The following PIK3C3 variants were observed in gnomAD, a reference collection of about 807,000 sequenced individuals.
PIK3C3 encodes PI3-kinase type 3.
Under a neutral mutation model 126.1 loss-of-function variants are expected in PIK3C3, and 95 were observed. That is an observed-to-expected ratio of 0.75 (90% confidence interval 0.64 to 0.89). The LOEUF (loss-of-function observed/expected upper bound fraction) is 0.89. Among genes scored for constraint, PIK3C3 ranks in the 40% least tolerant of loss-of-function variants. The pLI is 0.00. For synonymous variants in PIK3C3, 374 were observed against 360.0 expected (o/e 1.04, Z -0.44); for missense variants, 829 against 1,063.2 (o/e 0.78, Z 3.06).
intron 4 of PIK3C3, chr18:41,984,843 T>C (rs1255216313): frequency 6.6e-6 from 1 of 152,188 alleles, no homozygotes; most frequent in African/African-American, 2.4e-5. Flanking sequence ...TTCCACATTA[T>C]ATTACCTTGT....
intron 24 of PIK3C3, among the ~76,000 whole-genome samples, chr18:42,073,172 A>T (rs1489127563): frequency 6.6e-6 from 1 of 152,228 alleles, no homozygotes; most frequent in Non-Finnish European, 1.5e-5. Context: ...CAGAAGTTCC[A>T]GCTCAAGATA....
intron 24 of PIK3C3, among the ~76,000 whole-genome samples, chr18:42,074,631 A>G (rs1985905757): frequency 6.6e-6 from 1 of 152,154 alleles, no homozygotes; most frequent in African/African-American, 2.4e-5. Context: ...AAGCATTACT[A>G]GTACTCGTAT....
At position 42,038,883 on chromosome 18, in the gene PIK3C3, T is replaced by C. The variant is rs569955318; in HGVS notation, c.2038+33T>C. ...TATTTTACATCATTATTATTTACTT[T>C]AGTGTACATTGTGTGTACTTTTTCA... is the stretch of plus-strand genomic sequence containing the variant. On this transcript the variant is annotated intron_variant, in intron 18 of 24. Transcript: ENST00000262039. 75 of 1,311,302 alleles carry C rather than the reference T, an allele frequency of 5.7e-5. 1 individual carries two copies. In the South Asian group the frequency reaches 9.0e-4, roughly 16 times the overall value. The allele number at this position is 1,311,302 out of a possible 1,614,324, so 81.2% of individuals were successfully genotyped here.
chr18:42,001,331 A>T (rs538182664), intron 9 of PIK3C3, among the ~76,000 whole-genome samples: 1 of 152,238 alleles, frequency 6.6e-6, no homozygotes, highest in Non-Finnish European at 1.5e-5. Flanking sequence ...ATGTGCTTCA[A>T]TTTAGTCAGC....
intron 18 of PIK3C3, among the ~76,000 whole-genome samples, chr18:42,040,142 G>A (rs1370272499): frequency 8.1e-6 from 1 of 122,952 alleles, no homozygotes; most frequent in Non-Finnish European, 1.6e-5. Context: ...TCCACATACT[G>A]TCTGTCCCCT....
chr18:41,977,662 A>C (rs1268152857), intron 4 of PIK3C3, among the ~76,000 whole-genome samples: 2 of 151,866 alleles, frequency 1.3e-5, no homozygotes, highest in Non-Finnish European at 1.5e-5. Flanking sequence ...TAATTTTTGT[A>C]ATTGTAGAGA....
In PIK3C3 at chr18:42,004,523, G is replaced by T; in HGVS notation, c.1152G>T (p.Leu384Phe). Reference sequence around the variant, plus strand: ...TGAGGCGTTATGCTGTTGCCCGGTTGCGACAGGCCGATGATGAGGTGCATT... The same window carrying T: ...TGAGGCGTTATGCTGTTGCCCGGTTTCGACAGGCCGATGATGAGGTGCATT... Reference protein sequence around the residue: ...PTVRRYAVARLRQADDEDLLM... With the variant: ...PTVRRYAVARFRQADDEDLLM... The change falls in exon 10 of 25, where the codon TTG becomes TTT. Residue 384 changes from leucine to phenylalanine, a missense_variant. By Grantham distance (22) the Leu-to-Phe change is conservative. Transcript: ENST00000262039. 1.8e-5 allele frequency: 29 copies of T among 1,592,918 alleles called. No homozygotes were observed. Among genetic ancestry groups the T allele is most frequent in the Non-Finnish European group, 2.4e-5 (28 of 1,174,448 alleles).
At chr18:42,017,419 G>A (rs1263167150) in intron 12 of PIK3C3, among the ~76,000 whole-genome samples, 2 of 152,070 alleles carry the variant, frequency 1.3e-5, no homozygotes, top group Non-Finnish European at 2.9e-5. Context: ...AGAAGAAGTT[G>A]TATTTCCCAG....
chr18:42,049,431 C>A, intron 20 of PIK3C3, 100 bp from the exon 21 acceptor site: 1 of 707,478 alleles, frequency 1.4e-6, no homozygotes, highest in Non-Finnish European at 2.3e-6. Context: ...CATTAGAAAA[C>A]AAATTGATAT....
intron 17 of PIK3C3, among the ~76,000 whole-genome samples, chr18:42,038,284 A>G (rs559882624): frequency 5.3e-5 from 8 of 152,226 alleles, no homozygotes; most frequent in Admixed American, 5.2e-4. Flanking sequence ...GTAGATGAAA[A>G]ATTTAGCATA....
chr18:41,967,767 C>CA (rs1980444907), intron 3 of PIK3C3, among the ~76,000 whole-genome samples: 1 of 152,190 alleles, frequency 6.6e-6, no homozygotes, highest in South Asian at 2.1e-4. Flanking sequence ...GAACCACATG[C>CA]AAGCTGTAGA....
At chr18:42,012,791 G>A (rs961355773) in intron 10 of PIK3C3, among the ~76,000 whole-genome samples, 1 of 152,072 alleles carries the variant, frequency 6.6e-6, no homozygotes, top group African/African-American at 2.4e-5. Context: ...TTAGCAATTT[G>A]TTTTGTTCAA....
intron 3 of PIK3C3, among the ~76,000 whole-genome samples, chr18:41,965,908 G>T (rs61095714): frequency 0.038 from 5,829 of 152,114 alleles, 353 homozygotes; most frequent in African/African-American, 0.13. Context: ...TAAGTGAGTG[G>T]TTACTTAAAT....
chr18:42,029,522 G>T, intron 15 of PIK3C3, 81 bp downstream of exon 15: 6 of 582,490 alleles, frequency 1.0e-5, no homozygotes, highest in East Asian at 6.7e-5. Context: ...GTCTTTTTGG[G>T]TTGATACGTG....
chr18:41,987,117 GA>G (rs999287487), intron 4 of PIK3C3, among the ~76,000 whole-genome samples: 27 of 141,934 alleles, frequency 1.9e-4, no homozygotes, highest in Admixed American at 5.3e-4. Flanking sequence ...GAAGGAATGA[GA>G]GGGGTGTTGA....
At chr18:42,020,587 C>T (rs758098953) in intron 12 of PIK3C3, 51 bp from the exon 13 acceptor site, 2 of 1,135,060 alleles carry the variant, frequency 1.8e-6, no homozygotes, top group Non-Finnish European at 2.6e-6. Flanking sequence ...CTTATTTTCC[C>T]CCATTACTAG....
chr18:42,045,319 C>T (rs1984512996), intron 20 of PIK3C3, among the ~76,000 whole-genome samples: 1 of 152,156 alleles, frequency 6.6e-6, no homozygotes, highest in South Asian at 2.1e-4. Context: ...TCTTCCCTTG[C>T]TCCTTTCTTG....
In PIK3C3 at chr18:42,029,408, A is replaced by G. The variant is rs756470694; in HGVS notation, c.1674A>G (p.Ala558=). The G allele has an allele frequency of 2.4e-5, 39 of 1,612,786 alleles. No individual in the cohort carries two copies. In the South Asian group the frequency reaches 3.0e-4, roughly 12 times the overall value. Residue 558 remains alanine, a synonymous_variant, in exon 15 of 25, where the codon GCA becomes GCG. Coordinates refer to ENST00000262039, the MANE Select transcript of PIK3C3 (RefSeq NM_002647.4). ...ATCGGTTGGTGCATCTAATGAAGGC[A>G]GTACAACGCGAAAGTGGAAATCGTA... ...FVDRLVHLMK[A]VQRESGNRKK...
In PIK3C3 at chr18:41,998,881, T is replaced by C. The variant is rs570664883; in HGVS notation, c.984+2151T>C. Among the ~76,000 whole-genome samples the C allele has an allele frequency of 2.6e-5, 4 of 152,286 alleles. No individual in the cohort carries two copies. The East Asian group carries it at 7.7e-4, about 29-fold the overall frequency. On this transcript the variant is annotated intron_variant, in intron 9 of 24. Coordinates refer to ENST00000262039, the MANE Select transcript of PIK3C3 (RefSeq NM_002647.4). ...CTCTCATACTCCACCCATTAATTTA[T>C]TTACAGAAAGAAATTCTTTTAGCGT...
Sources: gnomAD v4.1 joint callset for allele counts (sites outside exome capture counted in the v4.1 genomes callset) on GRCh38, gnomAD v4.1.1 for gene constraint, MANE v1.5 for transcripts, NCBI Gene and HGNC (gene_info 2026-07-23, HGNC 2026-07-21) for gene names.